MMP14: variants seen among roughly 807,000 people sequenced by gnomAD.
MMP14 encodes the protein matrix metallopeptidase 14.
In MMP14, 13 loss-of-function variants were observed where a neutral mutation model predicts 64.8. The ratio of observed to expected loss-of-function variants is 0.20; its 90% confidence interval spans 0.13 to 0.32. The LOEUF (loss-of-function observed/expected upper bound fraction) is 0.32. MMP14 is among the 10% of genes least tolerant of loss of function. The pLI is 1.00. For synonymous variants in MMP14, 322 were observed against 315.9 expected (o/e 1.02, Z -0.20); for missense variants, 594 against 783.8 (o/e 0.76, Z 2.89).
In MMP14 at chr14:22,843,731, C is replaced by A. The variant is rs764286622; in HGVS notation, c.872C>A (p.Thr291Asn). The A allele has an allele frequency of 3.8e-6, 6 of 1,592,218 alleles. No homozygotes were observed. Among genetic ancestry groups the A allele is most frequent in the Middle Eastern group, 1.7e-4 (1 of 5,996 alleles). The change falls in exon 6 of 10, where the codon ACC becomes AAC. Residue 291 changes from threonine to asparagine, a missense_variant. Transcript: ENST00000311852. The surrounding 1 kb of genome is among the most constrained non-coding windows in gnomAD (Gnocchi z 4.8). The part of the protein sequence containing the change: ...QLYGGESGFP[T>N]KMPPQPRTTS... ...CCAGGGGGTGAGTCAGGGTTCCCCA[C>A]CAAGATGCCCCCTCAACCCAGGACT...
At chr14:22,837,026 G>A in intron 1 of MMP14, 101 bp downstream of exon 1, 4 of 858,570 alleles carry the variant, frequency 4.7e-6, no homozygotes. Context: ...GGGCTTTTGG[G>A]ATCTCCGCTG....
In MMP14 at chr14:22,842,376, C is replaced by A; in HGVS notation, c.381-34C>A. 1 of 1,586,698 alleles carries A rather than the reference C, an allele frequency of 6.3e-7. No individual in the cohort carries two copies. On this transcript the variant is annotated intron_variant, in intron 3 of 9. Transcript: ENST00000311852. The surrounding 1 kb of genome is among the most constrained non-coding windows in gnomAD (Gnocchi z 5.3). ...AATGTTGCCCCTCTTTATCCTAACA[C>A]ACCCCATCCTCTCCCCACGTGGCTG...
In MMP14 at chr14:22,842,134, C is replaced by T; in HGVS notation, c.380+99C>T. ...CAGAGACCCCCTGCCCCACTCCCCT[C>T]AGTTCCTGGGAAGCATCCGTGGGAG... is the stretch of plus-strand genomic sequence containing the variant. On this transcript the variant is annotated intron_variant, in intron 3 of 9. Transcript: ENST00000311852. This position sits in a 1 kb window ranked among gnomAD's most constrained non-coding sequence, Gnocchi z 5.3. 1 of 1,507,400 alleles carries T rather than the reference C, an allele frequency of 6.6e-7. No homozygotes were observed. The highest frequency in any genetic ancestry group is 9.1e-7 in the Non-Finnish European group (1 of 1,099,360). 93.4% of individuals were successfully genotyped at this position (1,507,400 alleles called of 1,614,324 possible).
In MMP14 at chr14:22,836,701, A is replaced by G; in HGVS notation, c.-117A>G. The G allele has an allele frequency of 3.5e-6, 2 of 577,466 alleles. No homozygotes were observed. Among genetic ancestry groups the G allele is most frequent in the Non-Finnish European group, 6.1e-6 (2 of 330,536 alleles). The allele number at this position is 577,466 out of a possible 1,614,324, so 35.8% of individuals were successfully genotyped here. A position where few individuals can be genotyped will look rare whatever the true frequency, so the allele number is the denominator to read the frequency against. On this transcript the variant is annotated 5_prime_UTR_variant, in exon 1 of 10. Coordinates refer to ENST00000311852, the MANE Select transcript of MMP14 (RefSeq NM_004995.4). ...ACTCCAAGCCGACAGCGGTCTAGGA[A>G]TTCAAGTTCAGTGCCTACCGAAGAC...
chr14:22,845,207 A>T (rs750685720), intron 8 of MMP14, 44 bp from the exon 9 acceptor site: 95 of 1,449,316 alleles, frequency 6.6e-5, no homozygotes, highest in Non-Finnish European at 8.7e-5. Flanking sequence ...CCTCCTGAGG[A>T]CATGCCCAGT....
Position 22,845,714 on chromosome 14 carries a change from C to T in MMP14, c.1424C>T (p.Thr475Ile). The T allele has an allele frequency of 6.2e-7, 1 of 1,613,990 alleles. No individual in the cohort carries two copies. The highest frequency in any genetic ancestry group is 1.1e-5 in the South Asian group (1 of 91,062). ...TCTGATTCACTCCCTGCAGTCTTCA[C>T]TTACTTCTACAAGGGGAACAAATAC... ...GSFMGSDEVF[T>I]YFYKGNKYWK... Residue 475 changes from threonine to isoleucine, a missense_variant, in exon 10 of 10, where the codon ACT becomes ATT. Coordinates refer to ENST00000311852, the MANE Select transcript of MMP14 (RefSeq NM_004995.4).
intron 1 of MMP14, among the ~76,000 whole-genome samples, chr14:22,838,787 A>G (rs1303608267): frequency 6.6e-6 from 1 of 152,096 alleles, no homozygotes; most frequent in African/African-American, 2.4e-5. Flanking sequence ...AGCCGCAGAC[A>G]CAAGAGTCCT....
intron 9 of MMP14, 146 bp from the exon 10 acceptor site, chr14:22,845,562 C>T: frequency 2.1e-6 from 2 of 959,538 alleles, no homozygotes; most frequent in Non-Finnish European, 3.2e-6. Flanking sequence ...ACTATAAGCA[C>T]CCCCATTTTA....
intron 1 of MMP14, among the ~76,000 whole-genome samples, chr14:22,840,922 T>C (rs10133740): frequency 0.86 from 130,580 of 152,242 alleles, 56,118 homozygotes; most frequent in East Asian, 1. Flanking sequence ...CTTACCACAT[T>C]CCAAGTTCCT....
chr14:22,842,113 G>T lies in MMP14; in HGVS notation c.380+78G>T. 2.5e-6 allele frequency: 4 copies of T among 1,577,890 alleles called. No individual in the cohort carries two copies. Among genetic ancestry groups the T allele is most frequent in the Non-Finnish European group, 2.6e-6 (3 of 1,154,210 alleles). On this transcript the variant is annotated intron_variant, in intron 3 of 9. Coordinates refer to ENST00000311852, the MANE Select transcript of MMP14 (RefSeq NM_004995.4). The surrounding 1 kb of genome is among the most constrained non-coding windows in gnomAD (Gnocchi z 5.3). ...CATTGTGCTTATGCAGGGACTCAGA[G>T]ACCCCCTGCCCCACTCCCCTCAGTT...
At position 22,843,510 on chromosome 14, in the gene MMP14, G is replaced by A. The variant is rs17879372; in HGVS notation, c.850+92G>A. 3,346 of 1,484,984 alleles carry A rather than the reference G, an allele frequency of 2.3e-3. 63 individuals carry two copies. The African/African-American group carries it at 0.042, about 18-fold the overall frequency. 92.0% of individuals were successfully genotyped at this position (1,484,984 alleles called of 1,614,324 possible). On this transcript the variant is annotated intron_variant, in intron 5 of 9. Coordinates refer to ENST00000311852, the MANE Select transcript of MMP14 (RefSeq NM_004995.4). The surrounding 1 kb of genome is among the most constrained non-coding windows in gnomAD (Gnocchi z 4.8). ...CCCTCTTTTATGCCTTGCAGTCTCC[G>A]CACCGCCCCCTGCCAACCTGCCCCT...
Position 22,843,474 on chromosome 14 carries a change from C to G in MMP14, c.850+56C>G. ...CCTCTGCTGCTTGTTCCCTCCTGGT[C>G]TACGCATTTCCCCTCTTTTATGCCT... On this transcript the variant is annotated intron_variant, in intron 5 of 9. Transcript: ENST00000311852. This position sits in a 1 kb window ranked among gnomAD's most constrained non-coding sequence, Gnocchi z 4.8. The G allele has an allele frequency of 6.4e-7, 1 of 1,571,430 alleles. No homozygotes were observed.
rs369565852 is a variant in MMP14 at position 22,845,980 on chromosome 14, C to T, written c.1690C>T (p.Arg564Cys). 2.0e-5 allele frequency: 31 copies of T among 1,559,522 alleles called. No homozygotes were observed. The highest frequency in any genetic ancestry group is 4.1e-5 in the African/African-American group (3 of 73,762). ...AVGLAVFFFRRHGTPRRLLYC... is the reference protein window; with the variant it reads ...AVGLAVFFFRCHGTPRRLLYC... ...GGGCCTTGCAGTCTTCTTCTTCAGA[C>T]GCCATGGGACCCCCAGGCGACTGCT... The change falls in exon 10 of 10, where the codon CGC becomes TGC. Residue 564 changes from arginine (R) to cysteine (C), a missense_variant. Physicochemically the swap from Arg to Cys is radical, Grantham distance 180. Coordinates refer to ENST00000311852, the MANE Select transcript of MMP14 (RefSeq NM_004995.4).
At chr14:22,844,122 G>A (rs180825720) in intron 6 of MMP14, among the ~76,000 whole-genome samples, 2 of 152,172 alleles carry the variant, frequency 1.3e-5, no homozygotes, top group East Asian at 1.9e-4. Context: ...ACGTGAACCT[G>A]GGAGGTGGAG....
Position 22,844,362 on chromosome 14 carries a change from G to T in MMP14, c.1012-9G>T, listed in dbSNP as rs1484569244. 1 of 1,613,936 alleles carries T rather than the reference G, an allele frequency of 6.2e-7. No homozygotes were observed. The highest frequency in any genetic ancestry group is 8.5e-7 in the Non-Finnish European group (1 of 1,179,966). On this transcript the variant is annotated splice_polypyrimidine_tract_variant and intron_variant, in intron 6 of 9. Coordinates refer to ENST00000311852, the MANE Select transcript of MMP14 (RefSeq NM_004995.4). ...ATAATGGACTTTTCCTGCATTGACC[G>T]GCTTCCAGGAGCGCTGGTTCTGGCG...
Position 22,846,123 on chromosome 14 carries a change from TC to T in MMP14, c.*87del. On this transcript the variant is annotated 3_prime_UTR_variant, in exon 10 of 10. Transcript: ENST00000311852. ...CAGCAGGTGGTGGTGGGTGGGCTGT[TC>T]CCATCGTCCCGAGCCCCCTCCCCGC... The T allele has an allele frequency of 7.8e-7, 1 of 1,282,642 alleles. No homozygotes were observed. Among genetic ancestry groups the T allele is most frequent in the Non-Finnish European group, 1.0e-6 (1 of 960,572 alleles). 79.5% of individuals were successfully genotyped at this position (1,282,642 alleles called of 1,614,324 possible).
At chr14:22,838,795 C>T (rs909245483) in intron 1 of MMP14, among the ~76,000 whole-genome samples, 1 of 152,154 alleles carries the variant, frequency 6.6e-6, no homozygotes, top group Non-Finnish European at 1.5e-5. Flanking sequence ...ACACAAGAGT[C>T]CTCTCTTCTG....
intron 1 of MMP14, 75 bp downstream of exon 1, chr14:22,837,000 C>G: frequency 8.5e-7 from 1 of 1,180,780 alleles, no homozygotes; most frequent in Non-Finnish European, 1.2e-6. Context: ...AGGGGACAGC[C>G]TCTATTCGGA....
rs1307779292 is a variant in MMP14 at position 22,837,306 on chromosome 14, C to G, written c.108+381C>G. On this transcript the variant is annotated intron_variant, in intron 1 of 9. Coordinates refer to ENST00000311852, the MANE Select transcript of MMP14 (RefSeq NM_004995.4). Reference sequence around the variant, plus strand: ...CTCAAACCCCGCGCTGTCCCGGCTCCTCGTCATGCGCGAGAGTTTGTTGTT... The same window carrying G: ...CTCAAACCCCGCGCTGTCCCGGCTCGTCGTCATGCGCGAGAGTTTGTTGTT... The G allele has an allele frequency of 1.7e-5, 8 of 473,352 alleles. No individual in the cohort carries two copies. The East Asian group carries it at 5.1e-4, about 30-fold the overall frequency. The allele number at this position is 473,352 out of a possible 1,614,324, so 29.3% of individuals were successfully genotyped here.
Sources: allele counts gnomAD v4.1 joint callset (sites outside exome capture counted in the v4.1 genomes callset), GRCh38; gene constraint gnomAD v4.1.1; non-coding constraint Gnocchi (gnomAD v3.1); transcripts MANE v1.5; gene names NCBI Gene and HGNC (gene_info 2026-07-23, HGNC 2026-07-21).